The following ASXL2 variants were observed in gnomAD, a reference collection of about 807,000 sequenced individuals.
ASXL2 encodes the protein putative Polycomb group protein ASXL2.
ASXL2 carries 23 observed loss-of-function variants against 122.0 expected under a neutral mutation model. The observed-to-expected ratio is 0.19, with a 90% CI of 0.14 to 0.27. The LOEUF (loss-of-function observed/expected upper bound fraction) is 0.27. Ranked by LOEUF, ASXL2 falls within the 10% of genes least tolerant of loss-of-function variation. The probability of loss-of-function intolerance (pLI) is 1.00; values close to 1 mark genes in which losing one functional copy is unlikely to be tolerated. For missense variants in ASXL2, 1,518 were observed against 1,713.8 expected, an observed-to-expected ratio of 0.89 and a Z score of 2.02; for synonymous variants, 650 against 637.0, an observed-to-expected ratio of 1.02 and a Z score of -0.31.
chr2:25,808,055 G>A (rs1404244176), intron 3 of ASXL2, among the ~76,000 whole-genome samples: 2 of 144,424 alleles, frequency 1.4e-5, no homozygotes, highest in Non-Finnish European at 3.0e-5. Flanking sequence ...CATGACTTAG[G>A]GCCAAAAATC....
intron 8 of ASXL2, among the ~76,000 whole-genome samples, chr2:25,766,681 T>C (rs1190638871): frequency 1.3e-5 from 2 of 152,198 alleles, no homozygotes; most frequent in East Asian, 1.9e-4. Flanking sequence ...TAGTAGCATT[T>C]TGGAAGCCAA....
At chr2:25,848,960 C>T (rs967151701) in intron 1 of ASXL2, among the ~76,000 whole-genome samples, 8 of 148,762 alleles carry the variant, frequency 5.4e-5, no homozygotes, top group Admixed American at 2.7e-4. Flanking sequence ...GCAGGAAAAC[C>T]GCTTGGACCA....
intron 1 of ASXL2, among the ~76,000 whole-genome samples, chr2:25,876,419 C>T (rs1263581010): frequency 6.6e-6 from 1 of 152,144 alleles, no homozygotes; most frequent in Non-Finnish European, 1.5e-5. Flanking sequence ...AATATTAGTG[C>T]TTTGAGAGGC....
chr2:25,737,673 A>C lies in ASXL2; in HGVS notation c.*4356T>G, dbSNP rs938643796. 1 of 151,874 alleles carries C rather than the reference A, an allele frequency of 6.6e-6. No homozygotes were observed. Among genetic ancestry groups the C allele is most frequent in the Non-Finnish European group, 1.5e-5 (1 of 67,952 alleles). 9.4% of individuals were successfully genotyped at this position (151,874 alleles called of 1,614,324 possible). A position where few individuals can be genotyped will look rare whatever the true frequency, so the allele number is the denominator to read the frequency against. On this transcript the variant is annotated 3_prime_UTR_variant, in exon 13 of 13. Transcript: ENST00000435504. The stretch of plus-strand genomic sequence containing the variant: ...GTTAAACCTCAAGATTCACCAAAAA[A>C]CTCCAAGGTTTTTATTTTCACTTTT...
chr2:25,858,934 C>T (rs2089814168), intron 1 of ASXL2, among the ~76,000 whole-genome samples: 1 of 151,158 alleles, frequency 6.6e-6, no homozygotes, highest in African/African-American at 2.4e-5. Flanking sequence ...CTGTCTCAGC[C>T]TCCCGAGTAG....
chr2:25,821,997 C>G (rs192053068), intron 3 of ASXL2, among the ~76,000 whole-genome samples: 1 of 152,294 alleles, frequency 6.6e-6, no homozygotes, highest in East Asian at 1.9e-4. Context: ...GCAAGTAATT[C>G]AGGTTATCTG....
At chr2:25,830,286 G>A (rs985689689) in intron 3 of ASXL2, among the ~76,000 whole-genome samples, 1 of 152,170 alleles carries the variant, frequency 6.6e-6, no homozygotes, top group Non-Finnish European at 1.5e-5. Context: ...CTGAATCAAA[G>A]AAGACAATTA....
At chr2:25,852,983 A>G (rs974052175) in intron 1 of ASXL2, among the ~76,000 whole-genome samples, 1 of 152,222 alleles carries the variant, frequency 6.6e-6, no homozygotes, top group Admixed American at 6.5e-5. Context: ...TTCTAGGACA[A>G]TAAAGGAAAC....
chr2:25,854,621 T>C (rs2089755328), intron 1 of ASXL2, among the ~76,000 whole-genome samples: 1 of 152,156 alleles, frequency 6.6e-6, no homozygotes, highest in Non-Finnish European at 1.5e-5. Context: ...CCTCAGTGCT[T>C]CCACATCTAA....
chr2:25,868,248 A>G (rs1335684642), intron 1 of ASXL2, among the ~76,000 whole-genome samples: 1 of 152,268 alleles, frequency 6.6e-6, no homozygotes, highest in Non-Finnish European at 1.5e-5. Context: ...TTTGAAATTC[A>G]ATATGGCTAA....
At chr2:25,792,053 G>C (rs936253403) in intron 5 of ASXL2, among the ~76,000 whole-genome samples, 3 of 152,204 alleles carry the variant, frequency 2.0e-5, no homozygotes, top group Non-Finnish European at 4.4e-5. Context: ...CTGGAATGCA[G>C]TGGTCCCATT....
At chr2:25,856,842 G>A in intron 1 of ASXL2, 2 of 922,190 alleles carry the variant, frequency 2.2e-6, no homozygotes. Flanking sequence ...GTCCACCCCT[G>A]AGAGGAACGA....
intron 12 of ASXL2, among the ~76,000 whole-genome samples, chr2:25,745,140 C>A (rs146482631): frequency 4.0e-4 from 61 of 151,890 alleles, no homozygotes; most frequent in Admixed American, 1.3e-4. Flanking sequence ...TATTTACTTG[C>A]GCAATTTTAA....
chr2:25,752,827 A>G (rs1429457983), intron 11 of ASXL2, among the ~76,000 whole-genome samples: 1 of 150,164 alleles, frequency 6.7e-6, no homozygotes, highest in Non-Finnish European at 1.5e-5. Flanking sequence ...CCTGGGCGAC[A>G]AGAGTGAAAC....
intron 10 of ASXL2, 133 bp downstream of exon 10, chr2:25,755,885 C>CA (rs1202860033): frequency 6.6e-6 from 5 of 755,780 alleles, no homozygotes; most frequent in Middle Eastern, 2.8e-4. Flanking sequence ...ACGTGTTCCA[C>CA]ACATGATGGT....
At chr2:25,753,091 C>A (rs1428456004) in intron 11 of ASXL2, among the ~76,000 whole-genome samples, 1 of 151,680 alleles carries the variant, frequency 6.6e-6, no homozygotes, top group Non-Finnish European at 1.5e-5. Context: ...CCTCAGCCTC[C>A]CAAGTAGCTG....
At chr2:25,840,552 A>C (rs1340191744) in intron 2 of ASXL2, among the ~76,000 whole-genome samples, 1 of 152,222 alleles carries the variant, frequency 6.6e-6, no homozygotes, top group Non-Finnish European at 1.5e-5. Context: ...AGTCTGTGGT[A>C]ACCTCTATTC....
intron 5 of ASXL2, among the ~76,000 whole-genome samples, chr2:25,781,079 AAAG>A (rs1217464652): frequency 3.3e-5 from 5 of 151,862 alleles, no homozygotes; most frequent in Admixed American, 2.6e-4. Context: ...AAAAAAAAGA[AAAG>A]AAATTAATTC....
chr2:25,862,500 A>G (rs67127891), intron 1 of ASXL2, among the ~76,000 whole-genome samples: 58,842 of 152,136 alleles, frequency 0.39, 13,124 homozygotes, highest in Non-Finnish European at 0.51. Flanking sequence ...AAATTAGTCA[A>G]AAAATACATT....
Sources: gnomAD v4.1 joint callset for allele counts (sites outside exome capture counted in the v4.1 genomes callset) on GRCh38, gnomAD v4.1.1 for gene constraint, MANE v1.5 for transcripts, NCBI Gene and HGNC (gene_info 2026-07-23, HGNC 2026-07-21) for gene names.